ABCA13: variants seen among roughly 807,000 people sequenced by gnomAD.
ABCA13 encodes ATP binding cassette subfamily A member 13.
In ABCA13, 476 loss-of-function variants were observed where a neutral mutation model predicts 478.7. The observed-to-expected ratio is 0.99, with a 90% CI of 0.92 to 1.07. The LOEUF is 1.07. ABCA13 is among the 50% of genes least tolerant of loss of function. The pLI is 0.00. For synonymous variants in ABCA13, 2,252 were observed against 2,158.9 expected, an observed-to-expected ratio of 1.04 and a Z score of -1.20; for missense variants, 6,060 against 5,910.6, an observed-to-expected ratio of 1.03 and a Z score of -0.83.
At chr7:48,624,412 A>T (rs747206931) in intron 59 of ABCA13, among the ~76,000 whole-genome samples, 1 of 151,766 alleles carries the variant, frequency 6.6e-6, no homozygotes, top group Non-Finnish European at 1.5e-5. Context: ...TGGTAAAAAC[A>T]CTCCTGTCAT....
chr7:48,573,975 T>C lies in ABCA13; in HGVS notation c.14355-6249T>C, dbSNP rs142340556. Among the ~76,000 whole-genome samples the C allele has an allele frequency of 6.2e-3, 942 of 152,158 alleles. 10 individuals are homozygous for C. The highest frequency in any genetic ancestry group is 0.022 in the African/African-American group (896 of 41,488). ...ATATGTGTCTGTGTCCACATTTTCCTTTTTTTAAGGACATCAGTCATACCA... is the reference window on the plus strand; with the variant it reads ...ATATGTGTCTGTGTCCACATTTTCCCTTTTTTAAGGACATCAGTCATACCA... On this transcript the variant is annotated intron_variant, in intron 55 of 61. Coordinates refer to ENST00000435803, the MANE Select transcript of ABCA13 (RefSeq NM_152701.5).
At chr7:48,214,411 C>A (rs779741285) in intron 3 of ABCA13, among the ~76,000 whole-genome samples, 1 of 152,134 alleles carries the variant, frequency 6.6e-6, no homozygotes, top group Non-Finnish European at 1.5e-5. Flanking sequence ...GCTGTGTTAG[C>A]CCCTAACAAG....
chr7:48,287,944 G>C lies in ABCA13; in HGVS notation c.8837-16G>C, dbSNP rs201358823. On this transcript the variant is annotated splice_polypyrimidine_tract_variant and intron_variant, in intron 19 of 61. Transcript: ENST00000435803. ...GACTGTCTATTAATTATTTCTCTGT[G>C]TGTTTCCTCTGGCAGAAAACCCTTC... 4,466 of 1,600,096 alleles carry C rather than the reference G, an allele frequency of 2.8e-3. 14 individuals carry two copies. The highest frequency in any genetic ancestry group is 7.8e-3 in the Middle Eastern group (47 of 6,046).
intron 58 of ABCA13, chr7:48,612,124 A>G (rs1051635303): frequency 6.6e-6 from 1 of 152,164 alleles, no homozygotes; most frequent in Non-Finnish European, 1.5e-5. Context: ...CACCATCACC[A>G]TCATCATGGT....
Position 48,335,376 on chromosome 7 carries a change from A to T in ABCA13, c.10000-46A>T, listed in dbSNP as rs1416762762. ...TCCTTGTTGGAAGATTTATCTTAAT[A>T]TAACAGCTGAATAAGAGACATATCC... On this transcript the variant is annotated intron_variant, in intron 27 of 61. Transcript: ENST00000435803. 5 of 1,391,458 alleles carry T rather than the reference A, an allele frequency of 3.6e-6. No homozygotes were observed. The African/African-American group carries it at 5.7e-5, about 16-fold the overall frequency. The allele number at this position is 1,391,458 out of a possible 1,614,324, so 86.2% of individuals were successfully genotyped here. A position where few individuals can be genotyped will look rare whatever the true frequency, so the allele number is the denominator to read the frequency against.
intron 3 of ABCA13, among the ~76,000 whole-genome samples, chr7:48,217,451 C>T: frequency 6.6e-6 from 1 of 152,324 alleles, no homozygotes; most frequent in Non-Finnish European, 1.5e-5. Context: ...GTTAGTCTCA[C>T]CACTGCCGCT....
intron 37 of ABCA13, among the ~76,000 whole-genome samples, chr7:48,389,979 GA>G (rs1382396199): frequency 1.3e-5 from 2 of 152,176 alleles, no homozygotes; most frequent in Non-Finnish European, 2.9e-5. Context: ...TGAAACTTCA[GA>G]AATCTCATAC....
At chr7:48,489,107 A>C (rs1829611764) in intron 47 of ABCA13, 129 bp from the exon 48 acceptor site, 11 of 663,574 alleles carry the variant, frequency 1.7e-5, no homozygotes, top group Non-Finnish European at 2.8e-5. Flanking sequence ...CAGGAACATT[A>C]CTTTGAATCC....
At chr7:48,520,933 T>C (rs958567039) in intron 53 of ABCA13, among the ~76,000 whole-genome samples, 9 of 152,324 alleles carry the variant, frequency 5.9e-5, no homozygotes, top group Non-Finnish European at 1.3e-4. Flanking sequence ...TCAGTACAGA[T>C]GTCTGTGTGT....
chr7:48,374,421 G>T lies in ABCA13; in HGVS notation c.11203+5G>T. 2 of 1,605,442 alleles carry T rather than the reference G, an allele frequency of 1.2e-6. No homozygotes were observed. Among genetic ancestry groups the T allele is most frequent in the Non-Finnish European group, 1.7e-6 (2 of 1,176,150 alleles). Reference sequence around the variant, plus strand: ...TCCTGGAAGGACAAGAGACAGGTAAGAGCATGCATGTGTAAAAAGTGACTC... The same window carrying T: ...TCCTGGAAGGACAAGAGACAGGTAATAGCATGCATGTGTAAAAAGTGACTC... On this transcript the variant is annotated splice_donor_5th_base_variant and intron_variant, in intron 34 of 61. Coordinates refer to ENST00000435803, the MANE Select transcript of ABCA13 (RefSeq NM_152701.5).
In ABCA13 at chr7:48,511,205, T is replaced by A. The variant is rs1037858791; in HGVS notation, c.13640+6T>A. Reference sequence around the variant, plus strand: ...CTCCTGCTGTCACTTTTCGGGTATGTGATGAGAAACGCTGCTGCAGAATTA... The same window carrying A: ...CTCCTGCTGTCACTTTTCGGGTATGAGATGAGAAACGCTGCTGCAGAATTA... On this transcript the variant is annotated splice_donor_region_variant and intron_variant, in intron 51 of 61. Transcript: ENST00000435803. The A allele has an allele frequency of 6.2e-7, 1 of 1,604,402 alleles. No individual in the cohort carries two copies. The highest frequency in any genetic ancestry group is 8.5e-7 in the Non-Finnish European group (1 of 1,174,638).
At chr7:48,641,788 C>A (rs539427987) in intron 59 of ABCA13, among the ~76,000 whole-genome samples, 1 of 152,296 alleles carries the variant, frequency 6.6e-6, no homozygotes, top group South Asian at 2.1e-4. Context: ...TGGGAAGCCC[C>A]TTCAACCACC....
At chr7:48,509,638 C>T (rs1585646366) in intron 50 of ABCA13, among the ~76,000 whole-genome samples, 1 of 152,290 alleles carries the variant, frequency 6.6e-6, no homozygotes, top group Non-Finnish European at 1.5e-5. Context: ...GGTTTTCCAT[C>T]TTCATCCAAT....
intron 58 of ABCA13, among the ~76,000 whole-genome samples, chr7:48,608,556 T>C (rs1216120901): frequency 6.6e-6 from 1 of 152,206 alleles, no homozygotes; most frequent in Non-Finnish European, 1.5e-5. Flanking sequence ...TTTTTCTGTT[T>C]GTTTGGCTCC....
intron 1 of ABCA13, among the ~76,000 whole-genome samples, chr7:48,188,554 A>AT (rs1562731203): frequency 1.3e-5 from 2 of 151,348 alleles, no homozygotes; most frequent in African/African-American, 4.9e-5. Context: ...TGCTCTAGAA[A>AT]CTTTTTTTTC....
chr7:48,479,329 C>T (rs891180268), intron 45 of ABCA13, among the ~76,000 whole-genome samples: 5 of 152,046 alleles, frequency 3.3e-5, no homozygotes, highest in Admixed American at 3.3e-4. Flanking sequence ...CCTCCGCCTC[C>T]CAGGTTCAAG....
At chr7:48,407,947 G>C (rs532678989) in intron 39 of ABCA13, among the ~76,000 whole-genome samples, 3 of 152,292 alleles carry the variant, frequency 2.0e-5, no homozygotes, top group East Asian at 1.9e-4. Flanking sequence ...TTTACATAGG[G>C]ATTTTGGTAT....
In ABCA13 at chr7:48,274,044, A is replaced by G. The variant is rs1419839344; in HGVS notation, c.4378A>G (p.Asn1460Asp). 1.2e-6 allele frequency: 2 copies of G among 1,606,518 alleles called. No individual in the cohort carries two copies. The highest frequency in any genetic ancestry group is 8.5e-7 in the Non-Finnish European group (1 of 1,174,964). Residue 1460 changes from asparagine to aspartate, a missense_variant, in exon 17 of 62, where the codon AAT (asparagine) becomes GAT (aspartate). Physicochemically the swap from Asn to Asp is conservative, Grantham distance 23 (BLOSUM62 1). This residue lies in a region of ABCA13 where 4,423 missense variants were observed against 4,309.1 expected (regional missense o/e 1.03). Transcript: ENST00000435803. ...SSNGSHINCVNIYLKDVTDFL... is the reference protein window; with the variant it reads ...SSNGSHINCVDIYLKDVTDFL... ...AAATGGCTCACATATAAATTGTGTC[A>G]ATATTTACTTGAAAGATGTAACTGA...
chr7:48,307,769 C>T (rs1801131045), intron 23 of ABCA13, among the ~76,000 whole-genome samples: 1 of 152,084 alleles, frequency 6.6e-6, no homozygotes. Flanking sequence ...TGAGCTCCAC[C>T]TCCTTGGTTC....
Sources: gnomAD v4.1 joint callset for allele counts (sites outside exome capture counted in the v4.1 genomes callset) on GRCh38, gnomAD v4.1.1 for gene constraint, gnomAD v4.1.1 regional missense constraint, MANE v1.5 for transcripts, NCBI Gene and HGNC (gene_info 2026-07-23, HGNC 2026-07-21) for gene names.